Variants in SCNN1B observed in about 807,000 individuals in gnomAD.
SCNN1B encodes the protein epithelial sodium channel subunit beta.
Under a neutral mutation model 65.3 loss-of-function variants are expected in SCNN1B, and 46 were observed. That is an observed-to-expected ratio of 0.70 (90% CI 0.56 to 0.90). SCNN1B has a LOEUF of 0.90. SCNN1B is among the 40% of genes least tolerant of loss of function. The probability of loss-of-function intolerance (pLI) is 0.00; values close to 1 mark genes in which losing one functional copy is unlikely to be tolerated. For missense variants in SCNN1B, 751 were observed against 830.5 expected (o/e 0.90, Z 1.18); for synonymous variants, 349 against 330.6 (o/e 1.06, Z -0.60).
At chr16:23,337,966 G>A (rs1013970215) in intron 1 of SCNN1B, among the ~76,000 whole-genome samples, 1 of 152,104 alleles carries the variant, frequency 6.6e-6, no homozygotes, top group African/African-American at 2.4e-5. Flanking sequence ...CAGCTACTTA[G>A]GACACTGAGG....
rs529509944 is a variant in SCNN1B at position 23,315,252 on chromosome 16, G to A, written c.-9+12815G>A. Among the ~76,000 whole-genome samples, 10 of 152,128 alleles carry A rather than the reference G, an allele frequency of 6.6e-5. No individual in the cohort carries two copies. In the East Asian group the frequency reaches 7.7e-4, roughly 12 times the overall value. ...CTCAGGAGGCTGAGGCAGGAGAATCGCTTGAACCTGGGAGGCAGAGGTTGC... is the reference window on the plus strand; with the variant it reads ...CTCAGGAGGCTGAGGCAGGAGAATCACTTGAACCTGGGAGGCAGAGGTTGC... On this transcript the variant is annotated intron_variant, in intron 1 of 12. Transcript: ENST00000343070.
intron 2 of SCNN1B, among the ~76,000 whole-genome samples, chr16:23,297,006 A>AG (rs1555482428): frequency 2.0e-4 from 30 of 147,808 alleles, no homozygotes; most frequent in Admixed American, 1.1e-3. Flanking sequence ...AAAAAAAAAA[A>AG]AGAGAGAGAG....
intron 2 of SCNN1B, among the ~76,000 whole-genome samples, chr16:23,289,837 G>A (rs1030752577): frequency 3.3e-5 from 5 of 151,928 alleles, no homozygotes; most frequent in African/African-American, 1.2e-4. Flanking sequence ...CACCACGCCT[G>A]GTTAATTTTT....
At position 23,368,991 on chromosome 16, in the gene SCNN1B, C is replaced by T. The variant is rs184262065; in HGVS notation, c.880+1032C>T. ...TACACTAAAAGCCTAGACTTCACCA[C>T]TGTATAATAATTCCATGTAACAAAA... On this transcript the variant is annotated intron_variant, in intron 5 of 12. Transcript: ENST00000343070. Among the ~76,000 whole-genome samples the T allele has an allele frequency of 2.3e-3, 352 of 152,326 alleles. 4 individuals are homozygous for T. Among genetic ancestry groups the T allele is most frequent in the Middle Eastern group, 6.8e-3 (2 of 294 alleles).
upstream of SCNN1B, among the ~76,000 whole-genome samples, chr16:23,301,092 G>T (rs892973882): frequency 1.3e-4 from 19 of 151,952 alleles, no homozygotes; most frequent in African/African-American, 4.1e-4. Context: ...GGCTGGGCAT[G>T]GTGGCTCACA....
chr16:23,374,019 C>T (rs1319017146), intron 7 of SCNN1B, among the ~76,000 whole-genome samples: 3 of 152,114 alleles, frequency 2.0e-5, no homozygotes, highest in Non-Finnish European at 4.4e-5. Context: ...ACACCCCAAC[C>T]AGGAGCAGGC....
intron 1 of SCNN1B, among the ~76,000 whole-genome samples, chr16:23,304,889 G>C (rs1379051483): frequency 6.6e-6 from 1 of 152,164 alleles, no homozygotes; most frequent in East Asian, 1.9e-4. Context: ...AAACTGTTAG[G>C]TGGATTAGTG....
intron 1 of SCNN1B, among the ~76,000 whole-genome samples, chr16:23,319,566 C>G (rs777048048): frequency 3.3e-5 from 5 of 152,116 alleles, no homozygotes; most frequent in Non-Finnish European, 5.9e-5. Flanking sequence ...AAACATAGCC[C>G]GCCCAGTCAT....
At chr16:23,312,162 G>T (rs1398442941) in intron 1 of SCNN1B, among the ~76,000 whole-genome samples, 4 of 152,090 alleles carry the variant, frequency 2.6e-5, no homozygotes, top group East Asian at 1.9e-4. Context: ...TGTAGACAGG[G>T]TCTCACTATA....
chr16:23,318,566 G>A (rs1438552686), intron 1 of SCNN1B, among the ~76,000 whole-genome samples: 2 of 152,156 alleles, frequency 1.3e-5, no homozygotes, highest in African/African-American at 2.4e-5. Context: ...CCGAGATTGC[G>A]CCAAGGCACT....
At position 23,334,938 on chromosome 16, in the gene SCNN1B, G is replaced by T. The variant is rs531766087; in HGVS notation, c.-8-13654G>T. Among the ~76,000 whole-genome samples the T allele has an allele frequency of 3.9e-5, 6 of 152,322 alleles. No individual in the cohort carries two copies. The South Asian group carries it at 1.2e-3, about 32-fold the overall frequency. On this transcript the variant is annotated intron_variant, in intron 1 of 12. Coordinates refer to ENST00000343070, the MANE Select transcript of SCNN1B (RefSeq NM_000336.3). ...GGCCCATACTTAGTATTATGGAACA[G>T]TTTAATCTTTGCAAATCTAATCACT...
At chr16:23,342,902 T>A (rs1962082590) in intron 1 of SCNN1B, among the ~76,000 whole-genome samples, 1 of 152,182 alleles carries the variant, frequency 6.6e-6, no homozygotes, top group African/African-American at 2.4e-5. Flanking sequence ...TGGAGTTTTC[T>A]TTAGGGGAAA....
chr16:23,381,142 G>T lies in SCNN1B; in HGVS notation c.*341G>T. On this transcript the variant is annotated 3_prime_UTR_variant, in exon 13 of 13. Coordinates refer to ENST00000343070, the MANE Select transcript of SCNN1B (RefSeq NM_000336.3). Reference sequence around the variant, plus strand: ...AGTGCCAGTCTCCATCCACCCCAGAGAGGAACAGGCGGGTGGGCCATGTGG... The same window carrying T: ...AGTGCCAGTCTCCATCCACCCCAGATAGGAACAGGCGGGTGGGCCATGTGG... The T allele has an allele frequency of 2.6e-6, 1 of 386,142 alleles. No individual in the cohort carries two copies. Among genetic ancestry groups the T allele is most frequent in the Non-Finnish European group, 4.8e-6 (1 of 206,208 alleles). 23.9% of individuals were successfully genotyped at this position (386,142 alleles called of 1,614,324 possible). A position where few individuals can be genotyped will look rare whatever the true frequency, so the allele number is the denominator to read the frequency against.
rs72652283 is a variant in SCNN1B, at chr16:23,303,174, T to C, written c.-9+737T>C. On this transcript the variant is annotated intron_variant, in intron 1 of 12. Transcript: ENST00000343070. ...CTGTGGAGGGAAAGGGTCTGGGATA[T>C]AGTACAGGGACATTCTCACTCTAGC... 2.0e-5 allele frequency among the ~76,000 whole-genome samples: 3 copies of C among 152,018 alleles called. No individual in the cohort carries two copies. The East Asian group carries it at 5.8e-4, about 29-fold the overall frequency.
chr16:23,307,611 C>T (rs1258816805), intron 1 of SCNN1B, among the ~76,000 whole-genome samples: 14 of 151,982 alleles, frequency 9.2e-5, no homozygotes, highest in African/African-American at 9.7e-5. Flanking sequence ...TGAGCCGCTG[C>T]GCTTGGCTGC....
Position 23,380,209 on chromosome 16 carries a change from C to T in SCNN1B, c.1542+40C>T. 6.4e-7 allele frequency: 1 copy of T among 1,559,122 alleles called. No homozygotes were observed. Among genetic ancestry groups the T allele is most frequent in the Non-Finnish European group, 8.9e-7 (1 of 1,129,942 alleles). ...CTCCCAATACCCCAGCCCTGCCCTG[C>T]CCTGACCCCTGCACCCTGAGGGTGG... On this transcript the variant is annotated intron_variant, in intron 12 of 12. Coordinates refer to ENST00000343070, the MANE Select transcript of SCNN1B (RefSeq NM_000336.3). The surrounding 1 kb of genome is among the most constrained non-coding windows in gnomAD (Gnocchi z 5.4).
At chr16:23,354,170 C>A (rs1002246593) in intron 3 of SCNN1B, among the ~76,000 whole-genome samples, 1 of 152,252 alleles carries the variant, frequency 6.6e-6, no homozygotes, top group African/African-American at 2.4e-5. Flanking sequence ...CCTTCCTTAA[C>A]CTCCTGGGCC....
At chr16:23,322,187 C>T (rs751161335) in intron 1 of SCNN1B, among the ~76,000 whole-genome samples, 3 of 152,108 alleles carry the variant, frequency 2.0e-5, no homozygotes, top group East Asian at 1.9e-4. Flanking sequence ...TATTCATTCC[C>T]GTATTAAGCC....
chr16:23,306,858 G>GA (rs1390421260), intron 1 of SCNN1B, among the ~76,000 whole-genome samples: 3 of 152,220 alleles, frequency 2.0e-5, no homozygotes, highest in African/African-American at 7.2e-5. Context: ...TGGAGATTGA[G>GA]AAAAGGAACT....
Sources: allele counts gnomAD v4.1 joint callset (sites outside exome capture counted in the v4.1 genomes callset), GRCh38; gene constraint gnomAD v4.1.1; non-coding constraint Gnocchi (gnomAD v3.1); transcripts MANE v1.5; gene names NCBI Gene and HGNC (gene_info 2026-07-23, HGNC 2026-07-21).